The following FMNL1 variants were observed in gnomAD, a reference collection of about 807,000 sequenced individuals.
FMNL1 encodes the protein formin like 1.
Under a neutral mutation model 121.3 loss-of-function variants are expected in FMNL1, and 43 were observed. The observed-to-expected ratio is 0.35, with a 90% CI of 0.28 to 0.46. The LOEUF (loss-of-function observed/expected upper bound fraction) is 0.46. Among genes scored for constraint, FMNL1 ranks in the 20% least tolerant of loss-of-function variants. FMNL1 has a pLI of 1.00. For synonymous variants in FMNL1, 613 were observed against 613.5 expected, an observed-to-expected ratio of 1.00 and a Z score of 0.01; for missense variants, 1,191 against 1,482.4, an observed-to-expected ratio of 0.80 and a Z score of 3.23.
chr17:45,242,075 C>A lies in FMNL1; in HGVS notation c.1814C>A (p.Pro605Gln). 6.6e-7 allele frequency: 1 copy of A among 1,506,782 alleles called. No homozygotes were observed. The highest frequency in any genetic ancestry group is 8.9e-7 in the Non-Finnish European group (1 of 1,128,486). The allele number at this position is 1,506,782 out of a possible 1,614,324, so 93.3% of individuals were successfully genotyped here. The change falls in exon 15 of 27, where the codon CCG becomes CAG. Residue 605 changes from proline (P) to glutamine (Q), a missense_variant. Physicochemically the swap from Pro to Gln is moderately conservative, Grantham distance 76. Transcript: ENST00000331495. ...PGTDGPVPPP[P>Q]PPPPPPPGGP... ...ACTGACGGGCCGGTGCCTCCGCCGC[C>A]GCCGCCGCCGCCGCCGCCTCCCGGA... is the stretch of plus-strand genomic sequence containing the variant.
Position 45,233,512 on chromosome 17 carries a change from C to T in FMNL1, c.402-136C>T. 1 of 1,087,460 alleles carries T rather than the reference C, an allele frequency of 9.2e-7. No individual in the cohort carries two copies. Among genetic ancestry groups the T allele is most frequent in the Non-Finnish European group, 1.3e-6 (1 of 755,162 alleles). 67.4% of individuals were successfully genotyped at this position (1,087,460 alleles called of 1,614,324 possible). A position where few individuals can be genotyped will look rare whatever the true frequency, so the allele number is the denominator to read the frequency against. ...GCTGGGCTGTGGGACCCACCTGAGT[C>T]TCCCAGAATCCTTTGGTATCATTGG... On this transcript the variant is annotated intron_variant, in intron 4 of 26. Transcript: ENST00000331495. The surrounding 1 kb of genome is among the most constrained non-coding windows in gnomAD (Gnocchi z 4.1).
At position 45,240,647 on chromosome 17, in the gene FMNL1, A is replaced by C. The variant is rs767015409; in HGVS notation, c.1230+22A>C. On this transcript the variant is annotated intron_variant, in intron 12 of 26. Transcript: ENST00000331495. ...GCTGGTGAGAGTGGGTCCTGACCCC[A>C]GCCCAGCACATCATAGGCCCACAGG... The C allele has an allele frequency of 4.4e-6, 7 of 1,607,446 alleles. No individual in the cohort carries two copies. The South Asian group carries it at 6.6e-5, about 15-fold the overall frequency.
At chr17:45,222,361 C>T (rs2043245105) in intron 1 of FMNL1, 108 bp downstream of exon 1, 3 of 961,190 alleles carry the variant, frequency 3.1e-6, no homozygotes, top group South Asian at 5.1e-5. Context: ...GCTTGGAGAT[C>T]CCCGGTCCGG....
Position 45,233,657 on chromosome 17 carries a change from G to T in FMNL1, c.411G>T (p.Gln137His). ...SLRTNHIGWV[Q>H]EFLNEENRGL... ...AGCCCTGTGCCCACAGGTGGGTGCA[G>T]GAGTTCCTCAATGAAGAGAACCGTG... Residue 137 changes from glutamine (Q) to histidine (H), a missense_variant, in exon 5 of 27, where the codon CAG becomes CAT. Coordinates refer to ENST00000331495, the MANE Select transcript of FMNL1 (RefSeq NM_005892.4). The surrounding 1 kb of genome is among the most constrained non-coding windows in gnomAD (Gnocchi z 4.1). The T allele has an allele frequency of 6.2e-7, 1 of 1,614,052 alleles. No homozygotes were observed. Among genetic ancestry groups the T allele is most frequent in the Non-Finnish European group, 8.5e-7 (1 of 1,179,980 alleles).
At position 45,237,244 on chromosome 17, in the gene FMNL1, C is replaced by A. The variant is rs1401494138; in HGVS notation, c.724-37C>A. 1 of 1,606,004 alleles carries A rather than the reference C, an allele frequency of 6.2e-7. No individual in the cohort carries two copies. The highest frequency in any genetic ancestry group is 1.1e-5 in the South Asian group (1 of 90,894). ...CGTGGGTGCCTGAAGTCCTGGGGGG[C>A]CCTTCCTGGAGACACTGACCTCTCC... is the stretch of plus-strand genomic sequence containing the variant. On this transcript the variant is annotated intron_variant, in intron 7 of 26. Coordinates refer to ENST00000331495, the MANE Select transcript of FMNL1 (RefSeq NM_005892.4). This position sits in a 1 kb window ranked among gnomAD's most constrained non-coding sequence, Gnocchi z 4.4.
intron 7 of FMNL1, chr17:45,236,508 C>T (rs1037235345): frequency 5.7e-6 from 2 of 348,160 alleles, no homozygotes; most frequent in South Asian, 1.1e-4. Context: ...CTGGGCTCAC[C>T]TACCAAGAAG....
In FMNL1 at chr17:45,237,268, C is replaced by T. The variant is rs2043571368; in HGVS notation, c.724-13C>T. 3 of 1,613,950 alleles carry T rather than the reference C, an allele frequency of 1.9e-6. No homozygotes were observed. Among genetic ancestry groups the T allele is most frequent in the East Asian group, 2.2e-5 (1 of 44,894 alleles). On this transcript the variant is annotated splice_polypyrimidine_tract_variant and intron_variant, in intron 7 of 26. Coordinates refer to ENST00000331495, the MANE Select transcript of FMNL1 (RefSeq NM_005892.4). This position sits in a 1 kb window ranked among gnomAD's most constrained non-coding sequence, Gnocchi z 4.4. ...GCCCTTCCTGGAGACACTGACCTCT[C>T]CTCTCTCCCCAGTCTGGCTTCAGCC...
chr17:45,224,355 G>A lies in FMNL1; in HGVS notation c.129+2102G>A, dbSNP rs151210049. On this transcript the variant is annotated intron_variant, in intron 1 of 26. Transcript: ENST00000331495. ...ACCCTCAGGTCTGGCAGTGTGTATC[G>A]CAGAGTTGGTCGCTATGTGAACCCC... is the stretch of plus-strand genomic sequence containing the variant. Among the ~76,000 whole-genome samples, 166 of 152,230 alleles carry A rather than the reference G, an allele frequency of 1.1e-3. 1 individual carries two copies. The highest frequency in any genetic ancestry group is 2.4e-3 in the Admixed American group (36 of 15,288).
chr17:45,245,316 GA>G lies in FMNL1; in HGVS notation c.2793del (p.Glu932SerfsTer15). On this transcript the variant is annotated frameshift_variant, in exon 22 of 27. Transcript: ENST00000331495. LOFTEE classifies it high-confidence loss of function. Reference sequence around the variant, plus strand: ...CAGCGAGGCCTAGAGTTGACACAGAGAGAGTTTGTGCGGCAGGATGACTGCA... The same window carrying G: ...CAGCGAGGCCTAGAGTTGACACAGAGGAGTTTGTGCGGCAGGATGACTGCA... The part of the protein sequence containing the change: ...SLQRGLELTQ[R>X]EFVRQDDCMV... 1 of 1,614,214 alleles carries G rather than the reference GA, an allele frequency of 6.2e-7. No homozygotes were observed. Among genetic ancestry groups the G allele is most frequent in the Non-Finnish European group, 8.5e-7 (1 of 1,180,024 alleles).
At chr17:45,234,229 G>A in intron 6 of FMNL1, 29 bp downstream of exon 6, 1 of 1,613,748 alleles carries the variant, frequency 6.2e-7, no homozygotes, top group Non-Finnish European at 8.5e-7. Flanking sequence ...GGGGTGGTGG[G>A]AGAACAGAGA....
chr17:45,227,176 C>T (rs1056295848), intron 1 of FMNL1, among the ~76,000 whole-genome samples: 2 of 152,034 alleles, frequency 1.3e-5, no homozygotes, highest in South Asian at 4.1e-4. Context: ...TCAGGGGTAC[C>T]CTGGGGCTTG....
At chr17:45,243,678 T>G in intron 17 of FMNL1, 113 bp from the exon 18 acceptor site, 1 of 1,057,360 alleles carries the variant, frequency 9.5e-7, no homozygotes, top group African/African-American at 1.6e-5. Flanking sequence ...CTGAAGCTGT[T>G]GGCAAATAGA....
chr17:45,243,587 C>T (rs999358219), intron 17 of FMNL1, among the ~76,000 whole-genome samples: 1 of 152,238 alleles, frequency 6.6e-6, no homozygotes, highest in Non-Finnish European at 1.5e-5. Context: ...CGCTGACGTA[C>T]GATGGGGACC....
rs116326221 is a variant in FMNL1 at position 45,240,865 on chromosome 17, C to A, written c.1230+240C>A. On this transcript the variant is annotated intron_variant, in intron 12 of 26. Transcript: ENST00000331495. ...GCCCCTCCTCTACCCAGGCTCAGACCCCAGGTGAACTGAAATGGGTGCCTG... is the reference window on the plus strand; with the variant it reads ...GCCCCTCCTCTACCCAGGCTCAGACACCAGGTGAACTGAAATGGGTGCCTG... The A allele has an allele frequency of 2.0e-3, 1,462 of 720,424 alleles. 14 individuals carry two copies. In the African/African-American group the frequency reaches 0.023, roughly 12 times the overall value. The allele number at this position is 720,424 out of a possible 1,614,324, so 44.6% of individuals were successfully genotyped here. A position where few individuals can be genotyped will look rare whatever the true frequency, so the allele number is the denominator to read the frequency against.
At position 45,241,532 on chromosome 17, in the gene FMNL1, C is replaced by T. The variant is rs2043693971; in HGVS notation, c.1483C>T (p.Pro495Ser). 1.3e-6 allele frequency: 2 copies of T among 1,577,040 alleles called. No homozygotes were observed. Among genetic ancestry groups the T allele is most frequent in the African/African-American group, 1.3e-5 (1 of 74,354 alleles). The stretch of plus-strand genomic sequence containing the variant: ...GGGGTTAATCCGTATTCTGCGGGGG[C>T]CGGGGGATGCTGTCTCCATCGAGAT... ...EKGLIRILRG[P>S]GDAVSIEILP... Residue 495 changes from proline to serine, a missense_variant, in exon 14 of 27, where the codon CCG becomes TCG. This residue lies in a region of FMNL1 where 519 missense variants were observed against 492.8 expected (regional missense o/e 1.05). Coordinates refer to ENST00000331495, the MANE Select transcript of FMNL1 (RefSeq NM_005892.4). The surrounding 1 kb of genome is among the most constrained non-coding windows in gnomAD (Gnocchi z 7.0).
rs996319827 is a variant in FMNL1 at position 45,247,261 on chromosome 17, C to G, written c.*403C>G. 4.4e-6 allele frequency: 2 copies of G among 451,012 alleles called. No homozygotes were observed. Among genetic ancestry groups the G allele is most frequent in the Non-Finnish European group, 7.9e-6 (2 of 251,708 alleles). 27.9% of individuals were successfully genotyped at this position (451,012 alleles called of 1,614,324 possible). A position where few individuals can be genotyped will look rare whatever the true frequency, so the allele number is the denominator to read the frequency against. The stretch of plus-strand genomic sequence containing the variant: ...GCACCTCGCCCCCGCAAGCCCCAGC[C>G]CCGAGGACCGTCCATGGACCTTATT... On this transcript the variant is annotated 3_prime_UTR_variant, in exon 27 of 27. Coordinates refer to ENST00000331495, the MANE Select transcript of FMNL1 (RefSeq NM_005892.4).
chr17:45,240,808 CAATG>C (rs2043671797), intron 12 of FMNL1, 183 bp downstream of exon 12: 4 of 922,624 alleles, frequency 4.3e-6, no homozygotes, highest in Non-Finnish European at 6.3e-6. Flanking sequence ...GTGTCTTTCT[CAATG>C]AGTGTGGGTG....
In FMNL1 at chr17:45,241,158, C is replaced by A. The variant is rs767331731; in HGVS notation, c.1260C>A (p.Asn420Lys). 2 of 1,613,944 alleles carry A rather than the reference C, an allele frequency of 1.2e-6. No homozygotes were observed. The highest frequency in any genetic ancestry group is 1.7e-6 in the Non-Finnish European group (2 of 1,179,944). Residue 420 changes from asparagine to lysine, a missense_variant, in exon 13 of 27, where the codon AAC (asparagine) becomes AAA (lysine). Around this residue, in one of 4 missense-constraint regions of FMNL1, gnomAD observed 519 missense variants for 492.8 expected, o/e 1.05. Coordinates refer to ENST00000331495, the MANE Select transcript of FMNL1 (RefSeq NM_005892.4). This position sits in a 1 kb window ranked among gnomAD's most constrained non-coding sequence, Gnocchi z 7.0. ...CAGAGCGGCTTCGGGACGCGGAGAA[C>A]GAATCCATGGCCAAGATTGCAGAAC... ...LLTERLRDAE[N>K]ESMAKIAELE... is the part of the protein sequence containing the mutation.
In FMNL1 at chr17:45,242,461, T is replaced by G; in HGVS notation, c.2006T>G (p.Leu669Arg). 1 of 1,613,376 alleles carries G rather than the reference T, an allele frequency of 6.2e-7. No individual in the cohort carries two copies. The change falls in exon 16 of 27, where the codon CTG becomes CGG. Residue 669 changes from leucine to arginine, a missense_variant. By Grantham distance (102) the Leu-to-Arg change is moderately radical. This residue lies in a region of FMNL1 where 519 missense variants were observed against 492.8 expected (regional missense o/e 1.05). Transcript: ENST00000331495. ...VFTELNDEKV[L>R]QELDMSDFEE... ...ACAGAGCTCAATGATGAGAAGGTGC[T>G]GCAGGTGAGTGGCCCTGCCTGGCTC...
Sources: gnomAD v4.1 joint callset for allele counts (sites outside exome capture counted in the v4.1 genomes callset) on GRCh38, gnomAD v4.1.1 for gene constraint, gnomAD v4.1.1 regional missense constraint, Gnocchi (gnomAD v3.1) non-coding constraint, MANE v1.5 for transcripts, NCBI Gene and HGNC (gene_info 2026-07-23, HGNC 2026-07-21) for gene names.